RAB43: variants seen among roughly 807,000 people sequenced by gnomAD.
The protein encoded by RAB43 is ras-related protein Rab-43.
A neutral mutation model predicts 18.8 loss-of-function variants in RAB43; 6 were observed. The observed-to-expected ratio is 0.32, with a 90% CI of 0.17 to 0.63. The LOEUF (loss-of-function observed/expected upper bound fraction) is 0.63, where lower values mean the gene tolerates loss of function less well. Ranked by LOEUF, RAB43 falls within the 30% of genes least tolerant of loss-of-function variation. The pLI is 0.79. For missense variants in RAB43, 195 were observed against 289.1 expected (o/e 0.67, Z 2.36); for synonymous variants, 103 against 124.1 (o/e 0.83, Z 1.13).
chr3:129,109,035 C>G (rs1248552901), intron 1 of RAB43, among the ~76,000 whole-genome samples: 1 of 147,612 alleles, frequency 6.8e-6, no homozygotes, highest in East Asian at 2.0e-4. Context: ...ATAAGGAAAC[C>G]ATGAGAAAAA....
intron 1 of RAB43, among the ~76,000 whole-genome samples, chr3:129,096,437 A>T (rs1433917325): frequency 6.6e-6 from 1 of 152,230 alleles, no homozygotes; most frequent in Non-Finnish European, 1.5e-5. Flanking sequence ...CTTGCAGCTC[A>T]TGCATGGCAG....
intron 1 of RAB43, among the ~76,000 whole-genome samples, chr3:129,115,814 CT>C (rs1935487711): frequency 6.6e-6 from 1 of 152,142 alleles, no homozygotes; most frequent in Non-Finnish European, 1.5e-5. Context: ...GAGTGAGATT[CT>C]GTCTCAAAAA....
chr3:129,097,921 A>G (rs1934162557), intron 1 of RAB43, among the ~76,000 whole-genome samples: 2 of 152,078 alleles, frequency 1.3e-5, no homozygotes, highest in Non-Finnish European at 1.5e-5. Flanking sequence ...TTTCCTGACC[A>G]TGGGGCTAGA....
At chr3:129,094,360 G>A (rs1372600165) in intron 2 of RAB43, among the ~76,000 whole-genome samples, 1 of 152,146 alleles carries the variant, frequency 6.6e-6, no homozygotes, top group Non-Finnish European at 1.5e-5. Context: ...ATAAATCACT[G>A]CACTTTTCTG....
At chr3:129,119,507 C>A (rs969275347) in intron 1 of RAB43, among the ~76,000 whole-genome samples, 4 of 152,122 alleles carry the variant, frequency 2.6e-5, no homozygotes, top group African/African-American at 9.7e-5. Flanking sequence ...CCTGTGTGAG[C>A]GGGGGTAAGA....
At chr3:129,110,990 G>A (rs545096662) in intron 1 of RAB43, among the ~76,000 whole-genome samples, 78 of 151,896 alleles carry the variant, frequency 5.1e-4, no homozygotes, top group African/African-American at 1.6e-3. Flanking sequence ...ATCTGTTGAT[G>A]TATGCACTTG....
At position 129,095,934 on chromosome 3, in the gene RAB43, G is replaced by A. The variant is rs568221488; in HGVS notation, c.205-765C>T. Among the ~76,000 whole-genome samples, 1 of 152,302 alleles carries A rather than the reference G, an allele frequency of 6.6e-6. No homozygotes were observed. Among genetic ancestry groups the A allele is most frequent in the South Asian group, 2.1e-4 (1 of 4,826 alleles). ...CCAGGTAGGGGCAGAGGTCTGTGCG[G>A]GGCCAGGAGGCTGCCCACTCTGGGC... On this transcript the variant is annotated intron_variant, in intron 1 of 2. Coordinates refer to ENST00000315150, the MANE Select transcript of RAB43 (RefSeq NM_198490.3). The surrounding 1 kb of genome is among the most constrained non-coding windows in gnomAD (Gnocchi z 4.2).
At chr3:129,102,433 G>A (rs1039241072) in intron 1 of RAB43, among the ~76,000 whole-genome samples, 3 of 151,888 alleles carry the variant, frequency 2.0e-5, no homozygotes, top group Non-Finnish European at 2.9e-5. Context: ...GATCGAGACC[G>A]TCCTGGCTAA....
chr3:129,099,166 A>G (rs1576823720), intron 1 of RAB43, among the ~76,000 whole-genome samples: 2 of 150,332 alleles, frequency 1.3e-5, no homozygotes, highest in Admixed American at 6.6e-5. Flanking sequence ...GTCTCGGCTC[A>G]CTGCAACCTC....
At chr3:129,114,429 G>C (rs926095603) in intron 1 of RAB43, among the ~76,000 whole-genome samples, 2 of 152,186 alleles carry the variant, frequency 1.3e-5, no homozygotes, top group African/African-American at 4.8e-5. Context: ...CCACAAATGG[G>C]CCTTCATTTC....
chr3:129,119,863 G>T (rs980796052), intron 1 of RAB43, among the ~76,000 whole-genome samples: 1 of 152,122 alleles, frequency 6.6e-6, no homozygotes, highest in African/African-American at 2.4e-5. Flanking sequence ...GATAGCACAT[G>T]AGGAGGACAC....
chr3:129,093,770 T>C (rs1576815434), intron 2 of RAB43, among the ~76,000 whole-genome samples: 1 of 152,048 alleles, frequency 6.6e-6, no homozygotes, highest in East Asian at 1.9e-4. Flanking sequence ...AGGCCCTGTC[T>C]GTACATTTGA....
chr3:129,122,146 C>A (rs1485071472), upstream of RAB43: 1 of 160,494 alleles, frequency 6.2e-6, no homozygotes, highest in Admixed American at 6.8e-5. Flanking sequence ...TCCCCGACTC[C>A]GCCTTCAGCC....
At position 129,121,501 on chromosome 3, in the gene RAB43, A is replaced by G. The variant is rs1184450264; in HGVS notation, c.-12T>C. ...CCCGGCCCTGCCATGGCCTAGAAGAAGCCGAAGGGCCGGCGCTCTGGACGC... is the reference window on the plus strand; with the variant it reads ...CCCGGCCCTGCCATGGCCTAGAAGAGGCCGAAGGGCCGGCGCTCTGGACGC... On this transcript the variant is annotated 5_prime_UTR_variant, in exon 1 of 3. Coordinates refer to ENST00000315150, the MANE Select transcript of RAB43 (RefSeq NM_198490.3). 6.3e-7 allele frequency: 1 copy of G among 1,598,168 alleles called. No individual in the cohort carries two copies.
chr3:129,107,018 G>A lies in RAB43; in HGVS notation c.205-11849C>T, dbSNP rs1371603448. The stretch of plus-strand genomic sequence containing the variant: ...GTAACCCACGACGTTTTGCAGGCCT[G>A]GTGAAAGCAAGGGGCCAGAGGCCAT... On this transcript the variant is annotated intron_variant, in intron 1 of 2. Coordinates refer to ENST00000315150, the MANE Select transcript of RAB43 (RefSeq NM_198490.3). This position sits in a 1 kb window ranked among gnomAD's most constrained non-coding sequence, Gnocchi z 4.2. 6.6e-6 allele frequency among the ~76,000 whole-genome samples: 1 copy of A among 152,236 alleles called. No individual in the cohort carries two copies. Among genetic ancestry groups the A allele is most frequent in the Non-Finnish European group, 1.5e-5 (1 of 68,046 alleles).
intron 1 of RAB43, among the ~76,000 whole-genome samples, chr3:129,113,851 A>G (rs1935328826): frequency 2.0e-5 from 3 of 151,856 alleles, no homozygotes; most frequent in Admixed American, 2.0e-4. Context: ...ACATGGTGAC[A>G]CCCCGTCTCT....
intron 2 of RAB43, among the ~76,000 whole-genome samples, chr3:129,093,614 C>T (rs1933825146): frequency 1.3e-5 from 2 of 151,470 alleles, no homozygotes; most frequent in Non-Finnish European, 2.9e-5. Context: ...GTCCCCCACC[C>T]CCAGCAAGAA....
At chr3:129,111,072 C>A (rs1935137827) in intron 1 of RAB43, among the ~76,000 whole-genome samples, 1 of 152,120 alleles carries the variant, frequency 6.6e-6, no homozygotes, top group Admixed American at 6.6e-5. Flanking sequence ...TCACCATGCG[C>A]CTTCCCAAGG....
chr3:129,121,083 A>G (rs1364339083), intron 1 of RAB43, among the ~76,000 whole-genome samples: 1 of 15,124 alleles, frequency 6.6e-5, no homozygotes. Flanking sequence ...CCCCCCCCCC[A>G]GCAACCCACG....
Sources: allele counts gnomAD v4.1 joint callset (sites outside exome capture counted in the v4.1 genomes callset), GRCh38; gene constraint gnomAD v4.1.1; non-coding constraint Gnocchi (gnomAD v3.1); transcripts MANE v1.5; gene names NCBI Gene and HGNC (gene_info 2026-07-23, HGNC 2026-07-21).